ALLC: variants seen among roughly 807,000 people sequenced by gnomAD.
ALLC encodes the protein probable inactive allantoicase.
ALLC carries 40 observed loss-of-function variants against 45.0 expected under a neutral mutation model. The ratio of observed to expected loss-of-function variants is 0.89; its 90% CI spans 0.69 to 1.16. The LOEUF is 1.16. Among genes scored for constraint, ALLC ranks in the 50% most tolerant of loss-of-function variants. The probability of loss-of-function intolerance (pLI) is 0.00; values close to 1 mark genes in which losing one functional copy is unlikely to be tolerated. For synonymous variants in ALLC, 176 were observed against 178.1 expected (o/e 0.99, Z 0.09); for missense variants, 488 against 493.1 (o/e 0.99, Z 0.10).
In ALLC at chr2:3,679,994, G is replaced by T. The variant is rs995080292; in HGVS notation, c.298G>T (p.Asp100Tyr). 1 of 1,613,818 alleles carries T rather than the reference G, an allele frequency of 6.2e-7. No homozygotes were observed. The part of the protein sequence containing the change: ...VSIQAANLEE[D>Y]KLPEIPERGT... Reference sequence around the variant, plus strand: ...CATTCAAGCAGCAAACTTGGAAGAAGGTGCGTTAGGAACCACTGTCCCCAA... The same window carrying T: ...CATTCAAGCAGCAAACTTGGAAGAATGTGCGTTAGGAACCACTGTCCCCAA... The change falls in exon 5 of 12, where the codon GAT becomes TAT. Residue 100 changes from aspartate to tyrosine, a missense_variant and splice_region_variant. By Grantham distance (160) the Asp-to-Tyr change is radical. Coordinates refer to ENST00000252505, the MANE Select transcript of ALLC (RefSeq NM_018436.4).
At chr2:3,659,758 G>A (rs374057861) in intron 1 of ALLC, among the ~76,000 whole-genome samples, 2 of 152,316 alleles carry the variant, frequency 1.3e-5, no homozygotes, top group South Asian at 2.1e-4. Context: ...CCCTTATACC[G>A]CCAGCTCTTG....
At chr2:3,697,844 T>C (rs1343033342) in intron 10 of ALLC, among the ~76,000 whole-genome samples, 24 of 151,968 alleles carry the variant, frequency 1.6e-4, no homozygotes, top group Non-Finnish European at 7.4e-5. Flanking sequence ...TTTGTATTTT[T>C]AGTAGAGATG....
At chr2:3,649,032 C>T in the ALLC span, among the ~76,000 whole-genome samples, 4 of 152,252 alleles carry the variant, frequency 2.6e-5, no homozygotes, top group East Asian at 5.8e-4. Context: ...TGAACATAGC[C>T]CAGGACAGTA....
upstream of ALLC, among the ~76,000 whole-genome samples, chr2:3,657,513 C>T (rs1250538611): frequency 6.6e-6 from 1 of 152,190 alleles, no homozygotes; most frequent in Admixed American, 6.5e-5. Context: ...GGCTTTCCTG[C>T]CTTCAAGGCC....
intron 7 of ALLC, among the ~76,000 whole-genome samples, chr2:3,693,838 A>C (rs1667586997): frequency 6.6e-6 from 1 of 152,146 alleles, no homozygotes; most frequent in Non-Finnish European, 1.5e-5. Context: ...AAATACAAAA[A>C]TTAGCCAGGT....
chr2:3,660,140 C>G (rs529980732), intron 1 of ALLC, among the ~76,000 whole-genome samples: 2 of 152,224 alleles, frequency 1.3e-5, no homozygotes, highest in South Asian at 2.1e-4. Flanking sequence ...GGCTTGGTGC[C>G]GTTCTGGAGG....
chr2:3,650,331 G>A, the ALLC span, among the ~76,000 whole-genome samples: 1 of 152,206 alleles, frequency 6.6e-6, no homozygotes, highest in African/African-American at 2.4e-5. Context: ...CAGGGCTCTC[G>A]GGGCAGCCAG....
At chr2:3,675,240 A>G (rs1332266197) in intron 3 of ALLC, among the ~76,000 whole-genome samples, 1 of 152,074 alleles carries the variant, frequency 6.6e-6, no homozygotes, top group East Asian at 1.9e-4. Flanking sequence ...AATAAAAAAT[A>G]TTATCCAGGC....
chr2:3,649,873 C>T, the ALLC span, among the ~76,000 whole-genome samples: 1 of 152,254 alleles, frequency 6.6e-6, no homozygotes, highest in Non-Finnish European at 1.5e-5. Context: ...GACAGCGGCC[C>T]CAGCTGGGAT....
rs1558537314 is a variant in ALLC at position 3,671,986 on chromosome 2, T to TTTAGATCCGAGGTCCTCTGGCTCTAG, written c.33+828_33+853dup. ...TTAGATCCGAGGTCCTCTGGCTCTATTTAGATCCGAGGTCCTCTGGCTCTA... is the reference window on the plus strand; with the variant it reads ...TTAGATCCGAGGTCCTCTGGCTCTATTTAGATCCGAGGTCCTCTGGCTCTAGTTAGATCCGAGGTCCTCTGGCTCTA... On this transcript the variant is annotated intron_variant, in intron 2 of 11. Transcript: ENST00000252505. Among the ~76,000 whole-genome samples the TTTAGATCCGAGGTCCTCTGGCTCTAG allele has an allele frequency of 1.3e-3, 110 of 86,898 alleles. 18 individuals are homozygous for TTTAGATCCGAGGTCCTCTGGCTCTAG. Among genetic ancestry groups the TTTAGATCCGAGGTCCTCTGGCTCTAG allele is most frequent in the Non-Finnish European group, 1.8e-3 (80 of 45,394 alleles). 57.0% of individuals were successfully genotyped at this position (86,898 alleles called of 152,430 possible).
the ALLC span, among the ~76,000 whole-genome samples, chr2:3,649,646 G>T: frequency 6.6e-6 from 1 of 152,250 alleles, no homozygotes; most frequent in African/African-American, 2.4e-5. Flanking sequence ...TCTGGTTCAG[G>T]GGTGCGGGTG....
the ALLC span, among the ~76,000 whole-genome samples, chr2:3,647,701 A>T: frequency 1.5e-5 from 2 of 131,252 alleles, no homozygotes; most frequent in South Asian, 5.0e-4. Flanking sequence ...TTGCTCACAC[A>T]TCCTCTCCTG....
At chr2:3,655,022 C>T (rs1666410729), upstream of ALLC, among the ~76,000 whole-genome samples, 2 of 152,250 alleles carry the variant, frequency 1.3e-5, no homozygotes, top group Non-Finnish European at 1.5e-5. Context: ...AGCCTGCAGT[C>T]GAGGTGTCCG....
chr2:3,682,016 A>T (rs1356560617), intron 6 of ALLC, among the ~76,000 whole-genome samples: 1 of 152,230 alleles, frequency 6.6e-6, no homozygotes, highest in Admixed American at 6.5e-5. Flanking sequence ...TTTTTATACC[A>T]ACTTGATGTA....
At chr2:3,659,858 A>C (rs892038818) in intron 1 of ALLC, among the ~76,000 whole-genome samples, 2 of 152,216 alleles carry the variant, frequency 1.3e-5, no homozygotes, top group Admixed American at 6.5e-5. Context: ...GAGGAGAGAA[A>C]CTTAGGAAAG....
rs112854358 is a variant in ALLC, at chr2:3,681,781, C to T, written c.378+68C>T. On this transcript the variant is annotated intron_variant, in intron 6 of 11. Coordinates refer to ENST00000252505, the MANE Select transcript of ALLC (RefSeq NM_018436.4). ...AGGAGAGTAGGGAAACTGCTCTGCA[C>T]ACCTGGCTGTGCAAGGCGATTCTTT... 2.0e-3 allele frequency: 2,495 copies of T among 1,277,224 alleles called. 52 individuals are homozygous for T. The African/African-American group carries it at 0.033, about 17-fold the overall frequency. 79.1% of individuals were successfully genotyped at this position (1,277,224 alleles called of 1,614,324 possible). A position where few individuals can be genotyped will look rare whatever the true frequency, so the allele number is the denominator to read the frequency against.
At chr2:3,665,827 C>G (rs1666690552) in intron 1 of ALLC, among the ~76,000 whole-genome samples, 1 of 152,066 alleles carries the variant, frequency 6.6e-6, no homozygotes, top group Non-Finnish European at 1.5e-5. Flanking sequence ...GGGTATATAC[C>G]CAGTAATGGG....
intron 3 of ALLC, among the ~76,000 whole-genome samples, chr2:3,675,028 A>T (rs1318447989): frequency 6.6e-6 from 1 of 152,138 alleles, no homozygotes; most frequent in East Asian, 1.9e-4. Context: ...TAACCAACCT[A>T]AGTGTTCATT....
chr2:3,688,790 C>T (rs894243787), intron 7 of ALLC: 1 of 153,542 alleles, frequency 6.5e-6, no homozygotes, highest in Non-Finnish European at 1.4e-5. Flanking sequence ...TGATGTCAGT[C>T]TTCTCATTCT....
Sources: gnomAD v4.1 joint callset for allele counts (sites outside exome capture counted in the v4.1 genomes callset) on GRCh38, gnomAD v4.1.1 for gene constraint, MANE v1.5 for transcripts, NCBI Gene and HGNC (gene_info 2026-07-23, HGNC 2026-07-21) for gene names.